The following COL4A5 variants were observed in gnomAD, a reference collection of about 807,000 sequenced individuals.
COL4A5 encodes the protein collagen type IV alpha 5 chain.
In COL4A5, 26 loss-of-function variants were observed where a neutral mutation model predicts 130.2. The observed-to-expected ratio is 0.20, with a 90% CI of 0.15 to 0.28. The LOEUF (loss-of-function observed/expected upper bound fraction) is 0.28. COL4A5 is among the 10% of genes least tolerant of loss of function. The pLI is 1.00. For synonymous variants in COL4A5, 496 were observed against 439.6 expected (o/e 1.13, Z -1.60); for missense variants, 1,131 against 1,344.3 (o/e 0.84, Z 2.48).
chrX:108,606,646 T>G, intron 28 of COL4A5, 96 bp from the exon 29 acceptor site: 2 of 945,963 alleles, frequency 2.1e-6, no homozygotes, highest in Admixed American at 4.4e-5. Context: ...GGAAAAGTAT[T>G]GTCTTGTATT....
intron 1 of COL4A5, among the ~76,000 whole-genome samples, chrX:108,524,619 T>C (rs1041310961): frequency 1.8e-5 from 2 of 111,479 alleles, no homozygotes; most frequent in African/African-American, 6.5e-5. Context: ...TTTTTTAATA[T>C]AGGCAGTTAC....
At chrX:108,667,507 A>T (rs990711384) in intron 40 of COL4A5, among the ~76,000 whole-genome samples, 1 of 110,269 alleles carries the variant, frequency 9.1e-6, no homozygotes, top group East Asian at 2.9e-4. Context: ...CTGTAGAAAT[A>T]TACGCCAATA....
intron 36 of COL4A5, among the ~76,000 whole-genome samples, chrX:108,645,780 T>A (rs1436756315): frequency 1.0e-5 from 1 of 98,647 alleles, no homozygotes; most frequent in Non-Finnish European, 2.0e-5. Context: ...CCTTCCTGTG[T>A]CCATGTGTTC....
At chrX:108,682,739 G>T (rs946664272) in intron 47 of COL4A5, among the ~76,000 whole-genome samples, 14 of 111,604 alleles carry the variant, frequency 1.3e-4, no homozygotes, top group African/African-American at 4.2e-4. Context: ...TGATGGGATT[G>T]TGGTTGTTTT....
chrX:108,556,049 G>C (rs1474317809), intron 2 of COL4A5, among the ~76,000 whole-genome samples: 1 of 111,793 alleles, frequency 8.9e-6, no homozygotes, highest in African/African-American at 3.2e-5. Context: ...AATTCGAGGG[G>C]AGTTAAAGTT....
rs1445335831 is a variant in COL4A5, at chrX:108,601,430, G to A, written c.1986G>A (p.Pro662=). 2.5e-6 allele frequency: 3 copies of A among 1,208,168 alleles called. No homozygotes were observed. The highest frequency in any genetic ancestry group is 3.4e-6 in the Non-Finnish European group (3 of 893,901). The change falls in exon 26 of 53, where the codon CCG becomes CCA. Residue 662 remains proline (P), a synonymous_variant. Coordinates refer to ENST00000328300, the MANE Select transcript of COL4A5 (RefSeq NM_033380.3). Reference sequence around the variant, plus strand: ...ATCCAGGTCAGACTATAACCCAGCCGGGGAAGCCTGGCTTGCCTGGTAACC... The same window carrying A: ...ATCCAGGTCAGACTATAACCCAGCCAGGGAAGCCTGGCTTGCCTGGTAACC... ...KGDPGQTITQ[P]GKPGLPGNPG... is the part of the protein sequence containing the mutation.
intron 1 of COL4A5, among the ~76,000 whole-genome samples, chrX:108,499,439 A>G (rs2065061245): frequency 9.0e-6 from 1 of 111,214 alleles, no homozygotes; most frequent in South Asian, 3.7e-4. Context: ...ATTTTCTTGT[A>G]ATTCATTTAT....
At chrX:108,544,405 T>TA (rs1289044999) in intron 2 of COL4A5, among the ~76,000 whole-genome samples, 1 of 112,386 alleles carries the variant, frequency 8.9e-6, no homozygotes, top group African/African-American at 3.2e-5. Flanking sequence ...ATATGCTGGA[T>TA]TACATTTATT....
rs763538451 is a variant in COL4A5 at position 108,559,155 on chromosome X, T to C, written c.231+2T>C. ...CCTCCGGGGCCTCGGGGACAAAAGG[T>C]ATGTATCATGTTGCCAACCAGTAAT... is the stretch of plus-strand genomic sequence containing the variant. On this transcript the variant is annotated splice_donor_variant, in intron 3 of 52. Coordinates refer to ENST00000328300, the MANE Select transcript of COL4A5 (RefSeq NM_033380.3). LOFTEE classifies it high-confidence loss of function. 1.7e-5 allele frequency: 20 copies of C among 1,193,548 alleles called. No individual in the cohort carries two copies. The highest frequency in any genetic ancestry group is 7.0e-5 in the African/African-American group (4 of 57,017).
At chrX:108,544,645 CT>C (rs770531604) in intron 2 of COL4A5, among the ~76,000 whole-genome samples, 24 of 105,933 alleles carry the variant, frequency 2.3e-4, no homozygotes, top group South Asian at 1.2e-3. Flanking sequence ...GGAGGATTCC[CT>C]TTTTTTTTTA....
intron 1 of COL4A5, among the ~76,000 whole-genome samples, chrX:108,530,889 G>A (rs770979490): frequency 6.9e-4 from 73 of 106,214 alleles, no homozygotes; most frequent in Non-Finnish European, 1.2e-3. Flanking sequence ...AAATCATGCT[G>A]CTATAAAGAC....
intron 30 of COL4A5, among the ~76,000 whole-genome samples, chrX:108,616,614 G>T (rs1478227904): frequency 2.7e-5 from 3 of 111,345 alleles, no homozygotes; most frequent in African/African-American, 9.8e-5. Flanking sequence ...TCCAAAAAGT[G>T]CATGAGTCTT....
At position 108,668,450 on chromosome X, in the gene COL4A5, G is replaced by T. The variant is rs372236348; in HGVS notation, c.3736G>T (p.Ala1246Ser). The T allele has an allele frequency of 1.7e-5, 21 of 1,205,608 alleles. No individual in the cohort carries two copies. The African/African-American group carries it at 3.0e-4, about 17-fold the overall frequency. The change falls in exon 41 of 53, where the codon GCT becomes TCT. Residue 1246 changes from alanine (A) to serine (S), a missense_variant. Physicochemically the swap from Ala to Ser is moderately conservative, Grantham distance 99 (BLOSUM62 1). Transcript: ENST00000328300. ...AGGCCCTCCTGGTTCTCCGGGTCCA[G>T]CTCTGGAAGGACCTAAAGGCAACCC... ...PPGPPGSPGP[A>S]LEGPKGNPGP...
At chrX:108,595,471 C>T in intron 21 of COL4A5, 38 bp from the exon 22 acceptor site, 2 of 1,159,514 alleles carry the variant, frequency 1.7e-6, no homozygotes, top group Non-Finnish European at 2.4e-6. Context: ...ATATGTACCC[C>T]TTTCAGTAAA....
chrX:108,581,887 T>G (rs1484698312), intron 16 of COL4A5, among the ~76,000 whole-genome samples: 1 of 110,313 alleles, frequency 9.1e-6, no homozygotes, highest in Non-Finnish European at 1.9e-5. Context: ...TTTGTGTGTG[T>G]GTGAACATGT....
chrX:108,579,969 A>G (rs1429538770), intron 13 of COL4A5, among the ~76,000 whole-genome samples: 2 of 112,149 alleles, frequency 1.8e-5, no homozygotes, highest in Non-Finnish European at 3.8e-5. Context: ...AGATAGCTCT[A>G]GTTAATTTTG....
intron 3 of COL4A5, among the ~76,000 whole-genome samples, chrX:108,563,614 G>T (rs2065927742): frequency 9.0e-6 from 1 of 111,407 alleles, no homozygotes; most frequent in South Asian, 3.7e-4. Flanking sequence ...TTTCTTGTAT[G>T]ATTCATAATT....
At chrX:108,651,886 A>C (rs771571473) in intron 36 of COL4A5, among the ~76,000 whole-genome samples, 5 of 112,117 alleles carry the variant, frequency 4.5e-5, no homozygotes, top group African/African-American at 1.6e-4. Flanking sequence ...GAAGAGCTAA[A>C]TAACATGCAA....
chrX:108,689,972 A>G, intron 49 of COL4A5: 1 of 752,821 alleles, frequency 1.3e-6, no homozygotes, highest in Non-Finnish European at 1.6e-6. Flanking sequence ...TACTCCAGAT[A>G]CTTCCATCAT....
Sources: gnomAD v4.1 joint callset for allele counts (sites outside exome capture counted in the v4.1 genomes callset) on GRCh38, gnomAD v4.1.1 for gene constraint, MANE v1.5 for transcripts, NCBI Gene and HGNC (gene_info 2026-07-23, HGNC 2026-07-21) for gene names.